Variants in CTNNA3 observed in about 807,000 individuals in gnomAD.
CTNNA3 encodes the protein catenin alpha 3.
A neutral mutation model predicts 95.7 loss-of-function variants in CTNNA3; 76 were observed. The observed-to-expected ratio is 0.79, with a 90% CI of 0.66 to 0.96. CTNNA3 has a LOEUF of 0.96. CTNNA3 is among the 40% of genes least tolerant of loss of function. CTNNA3 has a pLI of 0.00. For synonymous variants in CTNNA3, 431 were observed against 374.4 expected (o/e 1.15, Z -1.74); for missense variants, 1,191 against 1,089.8 (o/e 1.09, Z -1.31).
At chr10:66,984,681 A>T (rs888040014) in intron 7 of CTNNA3, among the ~76,000 whole-genome samples, 2 of 152,122 alleles carry the variant, frequency 1.3e-5, no homozygotes, top group Non-Finnish European at 2.9e-5. Flanking sequence ...TCATTCCTTT[A>T]TGCTTTTTTT....
intron 1 of CTNNA3, among the ~76,000 whole-genome samples, chr10:67,652,225 G>C (rs1466353399): frequency 6.6e-6 from 1 of 152,176 alleles, no homozygotes; most frequent in Admixed American, 6.5e-5. Context: ...AGCTCCCAAA[G>C]GCTCCACCAT....
chr10:67,239,613 C>T (rs1865640667), intron 5 of CTNNA3, among the ~76,000 whole-genome samples: 1 of 152,096 alleles, frequency 6.6e-6, no homozygotes, highest in Non-Finnish European at 1.5e-5. Flanking sequence ...GTTTATTTCA[C>T]ACTATGCATT....
intron 2 of CTNNA3, among the ~76,000 whole-genome samples, chr10:67,632,174 C>T (rs1029674355): frequency 2.2e-5 from 3 of 134,008 alleles, no homozygotes; most frequent in Non-Finnish European, 4.7e-5. Context: ...ACAGTGGTAA[C>T]TATGGGTAGA....
At chr10:67,688,481 A>T (rs1193333404) in intron 1 of CTNNA3, among the ~76,000 whole-genome samples, 3 of 152,150 alleles carry the variant, frequency 2.0e-5, no homozygotes, top group African/African-American at 4.8e-5. Flanking sequence ...CTTGGACATA[A>T]GGTATTTCAC....
chr10:66,821,157 T>C (rs796785613), intron 7 of CTNNA3, among the ~76,000 whole-genome samples: 6 of 152,272 alleles, frequency 3.9e-5, no homozygotes, highest in African/African-American at 1.2e-4. Flanking sequence ...ATGCACATAG[T>C]TTCCTTGTAA....
At chr10:67,222,005 G>C (rs1864683899) in intron 5 of CTNNA3, among the ~76,000 whole-genome samples, 2 of 152,148 alleles carry the variant, frequency 1.3e-5, no homozygotes, top group African/African-American at 4.8e-5. Flanking sequence ...TTTGGTGCAA[G>C]GAGATAGAAA....
chr10:67,132,696 A>T (rs879261368), intron 7 of CTNNA3, among the ~76,000 whole-genome samples: 9 of 151,870 alleles, frequency 5.9e-5, no homozygotes, highest in Non-Finnish European at 1.3e-4. Flanking sequence ...ACGAATGGAT[A>T]AAAAAAATGT....
intron 7 of CTNNA3, among the ~76,000 whole-genome samples, chr10:66,861,650 T>C (rs2132413089): frequency 6.6e-6 from 1 of 152,292 alleles, no homozygotes; most frequent in East Asian, 1.9e-4. Flanking sequence ...CAATAATAAA[T>C]GATGTGGCAC....
At chr10:67,215,781 T>C (rs185204330) in intron 6 of CTNNA3, among the ~76,000 whole-genome samples, 1 of 152,308 alleles carries the variant, frequency 6.6e-6, no homozygotes, top group Non-Finnish European at 1.5e-5. Flanking sequence ...TGCAAATGTA[T>C]CTTACGGGAC....
intron 1 of CTNNA3, among the ~76,000 whole-genome samples, chr10:67,746,638 C>T (rs368866494): frequency 5.9e-5 from 9 of 152,156 alleles, no homozygotes; most frequent in Non-Finnish European, 1.3e-4. Context: ...GGTGAGCAGT[C>T]GTGCTACCCA....
chr10:67,240,059 A>ACTCTG (rs1043143221), intron 5 of CTNNA3, among the ~76,000 whole-genome samples: 28 of 152,192 alleles, frequency 1.8e-4, no homozygotes, highest in African/African-American at 6.5e-4. Flanking sequence ...CTCAGCATAT[A>ACTCTG]CTCTGCTCAA....
At chr10:67,314,138 C>G (rs1840942994) in intron 5 of CTNNA3, among the ~76,000 whole-genome samples, 1 of 152,166 alleles carries the variant, frequency 6.6e-6, no homozygotes, top group South Asian at 2.1e-4. Context: ...ACCGTTAGTT[C>G]CTCCAAGTAG....
intron 12 of CTNNA3, among the ~76,000 whole-genome samples, chr10:66,372,773 G>T (rs1392693448): frequency 2.0e-5 from 3 of 152,088 alleles, no homozygotes; most frequent in African/African-American, 7.2e-5. Flanking sequence ...GCCCGAAAGG[G>T]AAATGCCAGA....
intron 9 of CTNNA3, among the ~76,000 whole-genome samples, chr10:66,669,540 C>CA (rs151092812): frequency 0.05 from 7,399 of 148,458 alleles, 252 homozygotes; most frequent in Non-Finnish European, 0.07. Flanking sequence ...AGACTTTTGT[C>CA]AAAAAAAAAG....
intron 1 of CTNNA3, among the ~76,000 whole-genome samples, chr10:67,717,083 C>CT (rs1841148458): frequency 6.6e-6 from 1 of 152,114 alleles, no homozygotes; most frequent in South Asian, 2.1e-4. Context: ...TGATGATGAG[C>CT]TTTTTTTCAC....
At chr10:66,069,669 T>A (rs1005094329) in intron 14 of CTNNA3, among the ~76,000 whole-genome samples, 180 bp from the exon 15 acceptor site, 1 of 152,164 alleles carries the variant, frequency 6.6e-6, no homozygotes, top group Non-Finnish European at 1.5e-5. Flanking sequence ...TCTATTAAAT[T>A]ATAATAGTTT....
At chr10:67,479,205 T>C (rs1848129650) in intron 5 of CTNNA3, among the ~76,000 whole-genome samples, 1 of 152,124 alleles carries the variant, frequency 6.6e-6, no homozygotes, top group Non-Finnish European at 1.5e-5. Flanking sequence ...AGGCACCAAC[T>C]AAGAAATTCT....
At chr10:67,640,310 T>A in intron 2 of CTNNA3, among the ~76,000 whole-genome samples, 1 of 151,902 alleles carries the variant, frequency 6.6e-6, no homozygotes, top group East Asian at 1.9e-4. Context: ...ATGTGAAGGA[T>A]CTCTTCAAGG....
At chr10:67,058,697 T>C (rs1323743947) in intron 7 of CTNNA3, among the ~76,000 whole-genome samples, 1 of 152,138 alleles carries the variant, frequency 6.6e-6, no homozygotes, top group Non-Finnish European at 1.5e-5. Context: ...AACCACAGTA[T>C]ACAAGTAGTG....
Sources: gnomAD v4.1 joint callset for allele counts (sites outside exome capture counted in the v4.1 genomes callset) on GRCh38, gnomAD v4.1.1 for gene constraint, MANE v1.5 for transcripts, NCBI Gene and HGNC (gene_info 2026-07-23, HGNC 2026-07-21) for gene names.